TMEM94: variants seen among roughly 807,000 people sequenced by gnomAD.
TMEM94 encodes the protein transmembrane protein 94.
A neutral mutation model predicts 158.6 loss-of-function variants in TMEM94; 81 were observed. The ratio of observed to expected loss-of-function variants is 0.51; its 90% confidence interval spans 0.43 to 0.61. TMEM94 has a LOEUF of 0.61. TMEM94 is among the 20% of genes least tolerant of loss of function. The pLI is 0.00. For synonymous variants in TMEM94, 751 were observed against 730.7 expected (o/e 1.03, Z -0.45); for missense variants, 1,435 against 1,762.0 (o/e 0.81, Z 3.32).
intron 1 of TMEM94, among the ~76,000 whole-genome samples, chr17:75,463,091 CACAT>C (rs1158239795): frequency 0.081 from 1,084 of 13,332 alleles, 106 homozygotes; most frequent in Middle Eastern, 0.36. Flanking sequence ...CACACACACA[CACAT>C]ATATATGTGT....
At chr17:75,463,030 AAAAAAAAATATATATAT>A (rs1296167219) in intron 1 of TMEM94, among the ~76,000 whole-genome samples, 3 of 8,980 alleles carry the variant, frequency 3.3e-4, no homozygotes, top group African/African-American at 1.2e-3. Flanking sequence ...AAAAAAAAAA[AAAAAAAAATATATATAT>A]ATATATATAT....
intron 2 of TMEM94, among the ~76,000 whole-genome samples, chr17:75,482,592 C>T (rs1367665366): frequency 1.3e-5 from 2 of 151,808 alleles, no homozygotes; most frequent in Non-Finnish European, 2.9e-5. Context: ...TCCCTTCATC[C>T]CCAGAAATTT....
At position 75,489,313 on chromosome 17, in the gene TMEM94, A is replaced by G; in HGVS notation, c.812A>G (p.Asn271Ser). ...ALSRPVTALD[N>S]ERFTVQSVML... ...TCCCGACCAGTCACTGCCCTGGACA[A>G]TGAGCGGTTCACAGTGCAGTCGGTG... The change falls in exon 8 of 32, where the codon AAT (asparagine) becomes AGT (serine). Residue 271 changes from asparagine to serine, a missense_variant. Around this residue, in one of 3 missense-constraint regions of TMEM94, gnomAD observed 1,051 missense variants for 1,254.4 expected, o/e 0.84. Transcript: ENST00000314256. This position sits in a 1 kb window ranked among gnomAD's most constrained non-coding sequence, Gnocchi z 5.0. 1.2e-6 allele frequency: 2 copies of G among 1,614,192 alleles called. No individual in the cohort carries two copies. Among genetic ancestry groups the G allele is most frequent in the Non-Finnish European group, 1.7e-6 (2 of 1,180,040 alleles).
chr17:75,495,075 G>GGGGGGGGGC lies in TMEM94; in HGVS notation c.2728+41_2728+42insGGGGGGGGC. On this transcript the variant is annotated intron_variant, in intron 20 of 31. Transcript: ENST00000314256. This position sits in a 1 kb window ranked among gnomAD's most constrained non-coding sequence, Gnocchi z 5.6. ...TGGGGTGGGGACGGGGTGGCGGTGG[G>GGGGGGGGGC]AGGATTCCCCTCCTCAGAGCCACAG... 1.6e-5 allele frequency: 17 copies of GGGGGGGGGC among 1,037,290 alleles called. No homozygotes were observed. Among genetic ancestry groups the GGGGGGGGGC allele is most frequent in the Non-Finnish European group, 2.5e-5 (17 of 691,934 alleles). 64.3% of individuals were successfully genotyped at this position (1,037,290 alleles called of 1,614,324 possible). A position where few individuals can be genotyped will look rare whatever the true frequency, so the allele number is the denominator to read the frequency against.
Position 75,491,884 on chromosome 17 carries a change from A to C in TMEM94, c.1580A>C (p.Glu527Ala). ...VSFSRDTEGGEEEPSKTQPGM... is the reference protein window; with the variant it reads ...VSFSRDTEGGAEEPSKTQPGM... Reference sequence around the variant, plus strand: ...TTCAGCAGGGACACCGAGGGTGGTGAAGAAGAGCCCAGCAAGGTGACGGGA... The same window carrying C: ...TTCAGCAGGGACACCGAGGGTGGTGCAGAAGAGCCCAGCAAGGTGACGGGA... The change falls in exon 14 of 32, where the codon GAA becomes GCA. Residue 527 changes from glutamate to alanine, a missense_variant. Coordinates refer to ENST00000314256, the MANE Select transcript of TMEM94 (RefSeq NM_014738.6). This position sits in a 1 kb window ranked among gnomAD's most constrained non-coding sequence, Gnocchi z 5.1. The C allele has an allele frequency of 6.2e-7, 1 of 1,613,060 alleles. No individual in the cohort carries two copies. The highest frequency in any genetic ancestry group is 8.5e-7 in the Non-Finnish European group (1 of 1,179,642).
chr17:75,474,861 C>T (rs1021874935), intron 2 of TMEM94, among the ~76,000 whole-genome samples: 3 of 152,130 alleles, frequency 2.0e-5, no homozygotes, highest in African/African-American at 7.2e-5. Context: ...GTCCTCCAGC[C>T]CACAGTGGCC....
chr17:75,489,835 C>A lies in TMEM94; in HGVS notation c.954+173C>A. 1 of 637,222 alleles carries A rather than the reference C, an allele frequency of 1.6e-6. No homozygotes were observed. Among genetic ancestry groups the A allele is most frequent in the Non-Finnish European group, 2.8e-6 (1 of 360,956 alleles). The allele number at this position is 637,222 out of a possible 1,614,324, so 39.5% of individuals were successfully genotyped here. A position where few individuals can be genotyped will look rare whatever the true frequency, so the allele number is the denominator to read the frequency against. ...GGGACTCAGGCCTGTAATCCAAGCACTTTGGGAGGCCACGGCAGGCAGATC... is the reference window on the plus strand; with the variant it reads ...GGGACTCAGGCCTGTAATCCAAGCAATTTGGGAGGCCACGGCAGGCAGATC... On this transcript the variant is annotated intron_variant, in intron 9 of 31. Coordinates refer to ENST00000314256, the MANE Select transcript of TMEM94 (RefSeq NM_014738.6). The surrounding 1 kb of genome is among the most constrained non-coding windows in gnomAD (Gnocchi z 5.0).
intron 1 of TMEM94, among the ~76,000 whole-genome samples, chr17:75,461,996 G>GTTTTTT (rs1212545027): frequency 1.1e-4 from 7 of 66,062 alleles, no homozygotes; most frequent in South Asian, 6.3e-4. Flanking sequence ...AGTTTTTTTT[G>GTTTTTT]TTTTGTTTTG....
Position 75,499,497 on chromosome 17 carries a change from C to A in TMEM94, c.*163C>A, listed in dbSNP as rs1319026171. 1 of 667,322 alleles carries A rather than the reference C, an allele frequency of 1.5e-6. No homozygotes were observed. The highest frequency in any genetic ancestry group is 2.6e-6 in the Non-Finnish European group (1 of 389,930). 41.3% of individuals were successfully genotyped at this position (667,322 alleles called of 1,614,324 possible). On this transcript the variant is annotated 3_prime_UTR_variant, in exon 32 of 32. Coordinates refer to ENST00000314256, the MANE Select transcript of TMEM94 (RefSeq NM_014738.6). The stretch of plus-strand genomic sequence containing the variant: ...TCAGACCCCGCTGTCTTCCTGAGCC[C>A]TGGGGCTCACTGTGGAGGAGCTGAC...
chr17:75,467,171 C>T (rs974887142), intron 1 of TMEM94, among the ~76,000 whole-genome samples: 3 of 151,874 alleles, frequency 2.0e-5, no homozygotes, highest in Non-Finnish European at 4.4e-5. Flanking sequence ...GATGGGGTTT[C>T]ACCATGTTGT....
At chr17:75,490,626 C>A (rs2052081340) in intron 10 of TMEM94, 76 bp from the exon 11 acceptor site, 2 of 1,361,796 alleles carry the variant, frequency 1.5e-6, no homozygotes, top group Admixed American at 1.7e-5. Context: ...GTGTGGGCCC[C>A]CCCTCTGCCA....
At chr17:75,471,167 T>G (rs2050486713) in intron 1 of TMEM94, among the ~76,000 whole-genome samples, 1 of 135,202 alleles carries the variant, frequency 7.4e-6, no homozygotes. Flanking sequence ...ACCCAGGAGG[T>G]GGAGGTTGCA....
Position 75,463,089 on chromosome 17 carries a change from C to CAA in TMEM94, c.-107+6339_-107+6340insAA, listed in dbSNP as rs1445423701. 1.3e-4 allele frequency among the ~76,000 whole-genome samples: 2 copies of CAA among 15,508 alleles called. 1 individual carries two copies. The highest frequency in any genetic ancestry group is 2.1e-4 in the Non-Finnish European group (2 of 9,742). 10.2% of individuals were successfully genotyped at this position (15,508 alleles called of 152,430 possible). On this transcript the variant is annotated intron_variant, in intron 1 of 31. Coordinates refer to ENST00000314256, the MANE Select transcript of TMEM94 (RefSeq NM_014738.6). ...ATATATATATATATATACACACACA[C>CAA]ACACATATATATGTGTGTATATATA...
chr17:75,472,812 T>G (rs575048991), intron 2 of TMEM94, among the ~76,000 whole-genome samples: 1 of 152,242 alleles, frequency 6.6e-6, no homozygotes, highest in Non-Finnish European at 1.5e-5. Flanking sequence ...GCACTAGTTA[T>G]TACCTCTAAA....
At position 75,499,049 on chromosome 17, in the gene TMEM94, T is replaced by C. The variant is rs1262515878; in HGVS notation, c.3965T>C (p.Val1322Ala). The C allele has an allele frequency of 1.3e-6, 2 of 1,597,106 alleles. No homozygotes were observed. Among genetic ancestry groups the C allele is most frequent in the Non-Finnish European group, 1.7e-6 (2 of 1,172,712 alleles). ...LGCLSLVLVV[V>A]TNEIVKLHEI... ...TGCCTGTCCCTGGTCCTTGTGGTGG[T>C]GACCAATGAGATCGTGAAGCTACAT... Residue 1322 changes from valine (V) to alanine (A), a missense_variant, in exon 31 of 32, where the codon GTG (valine) becomes GCG (alanine). Transcript: ENST00000314256.
At position 75,499,017 on chromosome 17, in the gene TMEM94, C is replaced by T. The variant is rs1416899504; in HGVS notation, c.3933C>T (p.Leu1311=). The change falls in exon 31 of 32, where the codon CTC becomes CTT. Residue 1311 remains leucine (L), a synonymous_variant. Coordinates refer to ENST00000314256, the MANE Select transcript of TMEM94 (RefSeq NM_014738.6). ...AGGACGTGCCCCTGCTGACATGGCT[C>T]CTGGGCTGCCTGTCCCTGGTCCTTG... The part of the protein sequence containing the change: ...GLEDVPLLTW[L]LGCLSLVLVV... 7 of 1,603,900 alleles carry T rather than the reference C, an allele frequency of 4.4e-6. No individual in the cohort carries two copies. The highest frequency in any genetic ancestry group is 5.9e-6 in the Non-Finnish European group (7 of 1,176,728).
In TMEM94 at chr17:75,491,146, C is replaced by G; in HGVS notation, c.1226C>G (p.Ser409Cys). 1.2e-6 allele frequency: 2 copies of G among 1,609,876 alleles called. No individual in the cohort carries two copies. Among genetic ancestry groups the G allele is most frequent in the East Asian group, 2.2e-5 (1 of 44,810 alleles). Residue 409 changes from serine to cysteine, a missense_variant, in exon 12 of 32, where the codon TCT becomes TGT. Physicochemically the swap from Ser to Cys is moderately radical, Grantham distance 112. Transcript: ENST00000314256. The surrounding 1 kb of genome is among the most constrained non-coding windows in gnomAD (Gnocchi z 5.1). The stretch of plus-strand genomic sequence containing the variant: ...TCCAGCCTGCTGCACAGCCTGGGCT[C>G]TGTCACGGTGAGGGTGGGCCTTGCG... ...HSSSLLHSLG[S>C]VTVLCCVDKQ...
chr17:75,490,628 C>A (rs545058809), intron 10 of TMEM94, 74 bp from the exon 11 acceptor site: 10 of 1,383,542 alleles, frequency 7.2e-6, no homozygotes, highest in African/African-American at 2.8e-5. Context: ...GTGGGCCCCC[C>A]CTCTGCCAGC....
At position 75,492,826 on chromosome 17, in the gene TMEM94, C is replaced by G; in HGVS notation, c.1912+37C>G. 3 of 1,585,764 alleles carry G rather than the reference C, an allele frequency of 1.9e-6. No individual in the cohort carries two copies. The highest frequency in any genetic ancestry group is 2.6e-6 in the Non-Finnish European group (3 of 1,166,216). On this transcript the variant is annotated intron_variant, in intron 15 of 31. Transcript: ENST00000314256. The surrounding 1 kb of genome is among the most constrained non-coding windows in gnomAD (Gnocchi z 4.4). ...CATGGCAGGGGATGGCTGGCTGGAC[C>G]CGCCTCCTAGAAGAGGCCCAGTACC...
Sources: gnomAD v4.1 joint callset for allele counts (sites outside exome capture counted in the v4.1 genomes callset) on GRCh38, gnomAD v4.1.1 for gene constraint, gnomAD v4.1.1 regional missense constraint, Gnocchi (gnomAD v3.1) non-coding constraint, MANE v1.5 for transcripts, NCBI Gene and HGNC (gene_info 2026-07-23, HGNC 2026-07-21) for gene names.